Variants in PTPRR observed in about 807,000 individuals in gnomAD.
The protein encoded by PTPRR is receptor-type tyrosine-protein phosphatase R.
PTPRR carries 38 observed loss-of-function variants against 77.2 expected under a neutral mutation model. That is an observed-to-expected ratio of 0.49 (90% confidence interval 0.38 to 0.65). The LOEUF (loss-of-function observed/expected upper bound fraction) is 0.65, where lower values mean the gene tolerates loss of function less well. Ranked by LOEUF, PTPRR falls within the 30% of genes least tolerant of loss-of-function variation. The probability of loss-of-function intolerance (pLI) is 0.00; values close to 1 mark genes in which losing one functional copy is unlikely to be tolerated. For missense variants in PTPRR, 744 were observed against 799.2 expected (o/e 0.93, Z 0.83); for synonymous variants, 299 against 283.1 (o/e 1.06, Z -0.57).
intron 10 of PTPRR, among the ~76,000 whole-genome samples, chr12:70,663,958 G>A (rs531121721): frequency 6.6e-6 from 1 of 152,244 alleles, no homozygotes; most frequent in Admixed American, 6.5e-5. Context: ...TTATAGAACT[G>A]AAGGAAAAGT....
intron 2 of PTPRR, among the ~76,000 whole-genome samples, chr12:70,825,685 G>T (rs1892096263): frequency 6.6e-6 from 1 of 152,208 alleles, no homozygotes; most frequent in South Asian, 2.1e-4. Context: ...TACAGACTCT[G>T]TTGCACGGTG....
At chr12:70,725,942 C>T (rs757187416) in intron 6 of PTPRR, among the ~76,000 whole-genome samples, 5 of 152,034 alleles carry the variant, frequency 3.3e-5, no homozygotes, top group African/African-American at 1.2e-4. Context: ...GACATTACTG[C>T]GCCTGTTGAA....
chr12:70,667,473 C>A (rs1406321854), intron 10 of PTPRR, among the ~76,000 whole-genome samples: 1 of 152,128 alleles, frequency 6.6e-6, no homozygotes, highest in African/African-American at 2.4e-5. Context: ...CCATCAACCC[C>A]CTGGTTACCC....
intron 6 of PTPRR, among the ~76,000 whole-genome samples, chr12:70,702,073 G>A (rs1010536922): frequency 1.3e-5 from 2 of 152,092 alleles, no homozygotes; most frequent in African/African-American, 2.4e-5. Context: ...ATTGACACAC[G>A]AATTCATTTA....
intron 6 of PTPRR, 81 bp downstream of exon 6, chr12:70,745,737 A>T (rs973207533): frequency 6.2e-6 from 9 of 1,453,630 alleles, no homozygotes; most frequent in Non-Finnish European, 8.4e-6. Flanking sequence ...TATGTCAATC[A>T]TTACTAGTTC....
At chr12:70,791,965 A>AC (rs111953640) in intron 2 of PTPRR, among the ~76,000 whole-genome samples, 2 of 152,128 alleles carry the variant, frequency 1.3e-5, no homozygotes, top group Non-Finnish European at 2.9e-5. Flanking sequence ...AGGAAAAAAA[A>AC]CACAGTGATT....
At chr12:70,743,963 A>G (rs1288329026) in intron 6 of PTPRR, among the ~76,000 whole-genome samples, 1 of 152,110 alleles carries the variant, frequency 6.6e-6, no homozygotes, top group Non-Finnish European at 1.5e-5. Context: ...TCTTTTAATC[A>G]GTTTCATTAT....
At chr12:70,813,867 G>A (rs1251243991) in intron 2 of PTPRR, among the ~76,000 whole-genome samples, 1 of 152,126 alleles carries the variant, frequency 6.6e-6, no homozygotes, top group Non-Finnish European at 1.5e-5. Flanking sequence ...GAGTTTTCAG[G>A]TGAGTCCTGA....
chr12:70,884,183 C>T (rs1396563471), intron 2 of PTPRR, among the ~76,000 whole-genome samples: 1 of 152,168 alleles, frequency 6.6e-6, no homozygotes, highest in African/African-American at 2.4e-5. Flanking sequence ...CTTCTACCAC[C>T]TGAGTCATAG....
chr12:70,830,884 A>G (rs1162517624), intron 2 of PTPRR, among the ~76,000 whole-genome samples: 6 of 152,344 alleles, frequency 3.9e-5, no homozygotes, highest in Non-Finnish European at 8.8e-5. Context: ...CCACTAGTCT[A>G]AGGTCCATGA....
intron 5 of PTPRR, among the ~76,000 whole-genome samples, chr12:70,747,790 T>C (rs1039582032): frequency 2.6e-5 from 4 of 152,186 alleles, no homozygotes; most frequent in Admixed American, 6.5e-5. Flanking sequence ...CTGGAGAATG[T>C]ATGATGTATA....
intron 1 of PTPRR, among the ~76,000 whole-genome samples, chr12:70,904,671 A>G (rs1592826457): frequency 6.6e-6 from 1 of 151,942 alleles, no homozygotes; most frequent in Middle Eastern, 3.4e-3. Flanking sequence ...AAAAAAGTCA[A>G]TAGGTTATAC....
At chr12:70,902,053 CAT>C (rs1893544471) in intron 1 of PTPRR, among the ~76,000 whole-genome samples, 1 of 151,638 alleles carries the variant, frequency 6.6e-6, no homozygotes, top group Non-Finnish European at 1.5e-5. Context: ...GGCCAACCAA[CAT>C]ATGAAAAAAT....
chr12:70,756,093 G>A (rs1890556269), intron 4 of PTPRR, among the ~76,000 whole-genome samples: 1 of 152,032 alleles, frequency 6.6e-6, no homozygotes, highest in African/African-American at 2.4e-5. Flanking sequence ...TGGTTAGGTG[G>A]GTGGAAAGAG....
At chr12:70,826,185 A>T (rs935884580) in intron 2 of PTPRR, among the ~76,000 whole-genome samples, 1 of 152,214 alleles carries the variant, frequency 6.6e-6, no homozygotes, top group Non-Finnish European at 1.5e-5. Flanking sequence ...GTGTTATCAA[A>T]ATCCTAGATT....
At chr12:70,886,885 T>C (rs1893248864) in intron 2 of PTPRR, among the ~76,000 whole-genome samples, 1 of 152,182 alleles carries the variant, frequency 6.6e-6, no homozygotes, top group Non-Finnish European at 1.5e-5. Flanking sequence ...ATCTCAACAT[T>C]GTGGAACATA....
intron 13 of PTPRR, among the ~76,000 whole-genome samples, chr12:70,652,659 G>A (rs1334455154): frequency 6.6e-6 from 1 of 152,204 alleles, no homozygotes; most frequent in Non-Finnish European, 1.5e-5. Flanking sequence ...GATCCTATCA[G>A]AAGTGAAAAG....
intron 6 of PTPRR, among the ~76,000 whole-genome samples, chr12:70,712,495 T>C (rs1888861175): frequency 6.6e-6 from 1 of 150,746 alleles, no homozygotes; most frequent in African/African-American, 2.4e-5. Flanking sequence ...AAGATAACCC[T>C]GAAAATCAAA....
intron 6 of PTPRR, among the ~76,000 whole-genome samples, chr12:70,705,114 T>C (rs1888570069): frequency 6.6e-6 from 1 of 152,028 alleles, no homozygotes; most frequent in Admixed American, 6.6e-5. Flanking sequence ...TAATTATAAT[T>C]AACTAAAAAG....
Sources: gnomAD v4.1 joint callset for allele counts (sites outside exome capture counted in the v4.1 genomes callset) on GRCh38, gnomAD v4.1.1 for gene constraint, MANE v1.5 for transcripts, NCBI Gene and HGNC (gene_info 2026-07-23, HGNC 2026-07-21) for gene names.